AKT3: variants seen among roughly 807,000 people sequenced by gnomAD.
AKT3 encodes RAC-gamma serine/threonine-protein kinase.
A neutral mutation model predicts 65.3 loss-of-function variants in AKT3; 15 were observed. The observed-to-expected ratio is 0.23, with a 90% confidence interval of 0.15 to 0.35. The LOEUF is 0.35. Among genes scored for constraint, AKT3 ranks in the 10% least tolerant of loss-of-function variants. The probability of loss-of-function intolerance (pLI) is 1.00; values close to 1 mark genes in which losing one functional copy is unlikely to be tolerated. For synonymous variants in AKT3, 206 were observed against 183.8 expected (o/e 1.12, Z -0.98); for missense variants, 243 against 576.5 (o/e 0.42, Z 5.92).
intron 6 of AKT3, among the ~76,000 whole-genome samples, chr1:243,633,476 G>A (rs1679755290): frequency 6.6e-6 from 1 of 152,102 alleles, no homozygotes; most frequent in Non-Finnish European, 1.5e-5. Flanking sequence ...GCATAAAGAT[G>A]CAATTTAAAG....
Position 243,785,457 on chromosome 1 carries a change from G to A in AKT3, c.46+57668C>T, listed in dbSNP as rs529916037. 6.2e-3 allele frequency among the ~76,000 whole-genome samples: 928 copies of A among 149,352 alleles called. 4 individuals are homozygous for A. Among genetic ancestry groups the A allele is most frequent in the Non-Finnish European group, 0.011 (709 of 67,102 alleles). On this transcript the variant is annotated intron_variant, in intron 2 of 13. Transcript: ENST00000673466. Reference sequence around the variant, plus strand: ...CTTTTGTTTACAATAGAGAATCAACGTTTTTTTTTTACTACTTATAGTTTA... The same window carrying A: ...CTTTTGTTTACAATAGAGAATCAACATTTTTTTTTTACTACTTATAGTTTA...
intron 3 of AKT3, chr1:243,687,745 A>C (rs1294396362): frequency 6.6e-6 from 1 of 152,156 alleles, no homozygotes; most frequent in Non-Finnish European, 1.5e-5. Flanking sequence ...GAAATATGTG[A>C]CATTGTTACA....
At chr1:243,648,593 A>G (rs945760928) in intron 4 of AKT3, among the ~76,000 whole-genome samples, 1 of 152,198 alleles carries the variant, frequency 6.6e-6, no homozygotes, top group East Asian at 1.9e-4. Flanking sequence ...GCCTTATAAA[A>G]TAAGTTGAGA....
intron 2 of AKT3, among the ~76,000 whole-genome samples, chr1:243,753,022 T>C (rs183977335): frequency 2.2e-3 from 337 of 152,326 alleles, no homozygotes; most frequent in Non-Finnish European, 3.8e-3. Context: ...TTTCTACCAG[T>C]CACAAGGTCT....
chr1:243,602,815 A>T (rs1320487751), intron 8 of AKT3, among the ~76,000 whole-genome samples: 2 of 152,202 alleles, frequency 1.3e-5, no homozygotes, highest in Non-Finnish European at 2.9e-5. Context: ...AAATAGAGGA[A>T]TGTGAAGAAT....
intron 2 of AKT3, among the ~76,000 whole-genome samples, chr1:243,716,532 A>G (rs913991020): frequency 2.6e-5 from 4 of 152,222 alleles, no homozygotes; most frequent in African/African-American, 7.2e-5. Flanking sequence ...CTAATCCAAG[A>G]CTTTGGGATG....
intron 4 of AKT3, among the ~76,000 whole-genome samples, chr1:243,651,530 T>C (rs1315134140): frequency 2.0e-5 from 3 of 152,208 alleles, no homozygotes; most frequent in African/African-American, 7.2e-5. Flanking sequence ...TGCTGTAAGT[T>C]TGTCTTAAAT....
At chr1:243,642,057 T>TA (rs1054458226) in intron 5 of AKT3, among the ~76,000 whole-genome samples, 31 of 152,040 alleles carry the variant, frequency 2.0e-4, no homozygotes, top group African/African-American at 6.8e-4. Context: ...TCTCAATCTT[T>TA]AAAAAAAAGG....
chr1:243,827,774 A>G (rs1489063544), intron 2 of AKT3, among the ~76,000 whole-genome samples: 1 of 152,182 alleles, frequency 6.6e-6, no homozygotes, highest in Non-Finnish European at 1.5e-5. Context: ...GACCAAATCT[A>G]GAAAGCAACT....
At chr1:243,844,716 A>G (rs774691378) in intron 1 of AKT3, among the ~76,000 whole-genome samples, 6 of 152,146 alleles carry the variant, frequency 3.9e-5, no homozygotes, top group Non-Finnish European at 8.8e-5. Flanking sequence ...TAAAAAGCAA[A>G]AAAAGTTCCT....
intron 2 of AKT3, among the ~76,000 whole-genome samples, chr1:243,714,988 A>C (rs981751894): frequency 1.3e-5 from 2 of 152,112 alleles, no homozygotes; most frequent in Non-Finnish European, 2.9e-5. Context: ...GAATCCTTTA[A>C]ATTTCAAGTG....
intron 2 of AKT3, chr1:243,735,775 G>A (rs1043983914): frequency 6.6e-5 from 10 of 152,192 alleles, no homozygotes; most frequent in African/African-American, 2.2e-4. Flanking sequence ...AAACCCAACT[G>A]ATGGGTCAAA....
intron 8 of AKT3, among the ~76,000 whole-genome samples, chr1:243,594,267 A>C (rs1676443918): frequency 6.6e-6 from 1 of 152,228 alleles, no homozygotes; most frequent in African/African-American, 2.4e-5. Context: ...AGAAATCCAT[A>C]AGCAAACAGA....
At chr1:243,614,974 G>T in intron 7 of AKT3, 122 bp downstream of exon 7, 1 of 744,780 alleles carries the variant, frequency 1.3e-6, no homozygotes, top group South Asian at 1.9e-5. Flanking sequence ...TTTGACTTAC[G>T]TTCTTTCCAC....
chr1:243,746,865 G>C (rs1688499796), intron 2 of AKT3, among the ~76,000 whole-genome samples: 1 of 150,920 alleles, frequency 6.6e-6, no homozygotes, highest in Non-Finnish European at 1.5e-5. Context: ...TTTACCTCTG[G>C]AGAATTCTTA....
At chr1:243,578,450 G>A (rs773779830) in intron 8 of AKT3, among the ~76,000 whole-genome samples, 9 of 152,088 alleles carry the variant, frequency 5.9e-5, no homozygotes, top group African/African-American at 9.7e-5. Context: ...ACCAAACACC[G>A]CTTGTTCTCA....
chr1:243,818,169 G>C (rs957901702), intron 2 of AKT3: 1 of 152,174 alleles, frequency 6.6e-6, no homozygotes, highest in East Asian at 1.9e-4. Flanking sequence ...TACAAATCTC[G>C]ATTTTGCAGA....
At chr1:243,768,821 T>C (rs1455722359) in intron 2 of AKT3, among the ~76,000 whole-genome samples, 1 of 134,324 alleles carries the variant, frequency 7.4e-6, no homozygotes. Flanking sequence ...GGCAAGACAG[T>C]GATCCGCCAC....
intron 2 of AKT3, among the ~76,000 whole-genome samples, chr1:243,798,825 A>G (rs1692208020): frequency 6.6e-6 from 1 of 152,028 alleles, no homozygotes; most frequent in Admixed American, 6.6e-5. Context: ...ATGGTCATCA[A>G]CCCCTTAACA....
Sources: gnomAD v4.1 joint callset for allele counts (sites outside exome capture counted in the v4.1 genomes callset) on GRCh38, gnomAD v4.1.1 for gene constraint, MANE v1.5 for transcripts, NCBI Gene and HGNC (gene_info 2026-07-23, HGNC 2026-07-21) for gene names.